ABCC12: variants seen among roughly 807,000 people sequenced by gnomAD.
ABCC12 encodes the protein ATP binding cassette subfamily C member 12, also known as ATP-binding cassette sub-family C member 12.
A neutral mutation model predicts 151.1 loss-of-function variants in ABCC12; 142 were observed. The observed-to-expected ratio is 0.94, with a 90% CI of 0.82 to 1.08. The LOEUF is 1.08. Ranked by LOEUF, ABCC12 falls within the 50% of genes least tolerant of loss-of-function variation. ABCC12 has a pLI of 0.00. For synonymous variants in ABCC12, 645 were observed against 646.4 expected (o/e 1.00, Z 0.03); for missense variants, 1,638 against 1,691.1 (o/e 0.97, Z 0.55).
chr16:48,141,471 T>TGGAAG, intron 4 of ABCC12, 118 bp from the exon 5 acceptor site: 1 of 1,355,450 alleles, frequency 7.4e-7, no homozygotes, highest in Non-Finnish European at 1.0e-6. Flanking sequence ...CTGGCAGTGG[T>TGGAAG]GCCTTCCAGC....
In ABCC12 at chr16:48,083,244, T is replaced by C. The variant is rs552604483; in HGVS notation, c.*471A>G. On this transcript the variant is annotated 3_prime_UTR_variant, in exon 31 of 31. Transcript: ENST00000311303. The stretch of plus-strand genomic sequence containing the variant: ...TACAAATCTGTGTCATTACCACTTG[T>C]CACCCAGTCAAGATGGAAGTGAGTG... The C allele has an allele frequency of 6.3e-6, 1 of 159,212 alleles. No homozygotes were observed. The highest frequency in any genetic ancestry group is 1.9e-4 in the East Asian group (1 of 5,250). 9.9% of individuals were successfully genotyped at this position (159,212 alleles called of 1,614,324 possible).
chr16:48,115,656 C>T, intron 14 of ABCC12, 38 bp from the exon 15 acceptor site: 1 of 1,578,470 alleles, frequency 6.3e-7, no homozygotes. Context: ...ATTGTCAGCC[C>T]ACCCTGAAGT....
Position 48,104,247 on chromosome 16 carries a change from T to C in ABCC12, c.2795A>G (p.Gln932Arg), listed in dbSNP as rs779499111. Reference sequence around the variant, plus strand: ...AATAAACACCACCATAAAAAACTGCTGCAGAAAGTTCTCTGCGTGAAACGG... The same window carrying C: ...AATAAACACCACCATAAAAAACTGCCGCAGAAAGTTCTCTGCGTGAAACGG... ...RLPFHAENFLQQFFMVVFILV... is the reference protein window; with the variant it reads ...RLPFHAENFLRQFFMVVFILV... Residue 932 changes from glutamine to arginine, a missense_variant, in exon 22 of 31, where the codon CAG becomes CGG. Physicochemically the swap from Gln to Arg is conservative, Grantham distance 43 (BLOSUM62 1). Coordinates refer to ENST00000311303, the MANE Select transcript of ABCC12 (RefSeq NM_001393797.1). The C allele has an allele frequency of 1.2e-6, 2 of 1,614,252 alleles. No individual in the cohort carries two copies. Among genetic ancestry groups the C allele is most frequent in the Non-Finnish European group, 1.7e-6 (2 of 1,180,038 alleles).
chr16:48,135,125 T>C (rs1964564840), intron 8 of ABCC12, among the ~76,000 whole-genome samples: 2 of 152,194 alleles, frequency 1.3e-5, no homozygotes, highest in Non-Finnish European at 2.9e-5. Flanking sequence ...AGTTACGATT[T>C]TGCCTGTAAC....
chr16:48,105,335 A>G lies in ABCC12; in HGVS notation c.2477T>C (p.Met826Thr), dbSNP rs749684635. Reference sequence around the variant, plus strand: ...CCTGTTGCCCTGGGGCCCACAGGTCATCTTTGGAGAAAAACAAGAGAAGCA... The same window carrying G: ...CCTGTTGCCCTGGGGCCCACAGGTCGTCTTTGGAGAAAAACAAGAGAAGCA... ...LGLWLDKGSR[M>T]TCGPQGNRTM... is the part of the protein sequence containing the mutation. The change falls in exon 21 of 31, where the codon ATG becomes ACG. Residue 826 changes from methionine to threonine, a missense_variant and splice_region_variant. Coordinates refer to ENST00000311303, the MANE Select transcript of ABCC12 (RefSeq NM_001393797.1). 3 of 1,604,950 alleles carry G rather than the reference A, an allele frequency of 1.9e-6. No homozygotes were observed. Among genetic ancestry groups the G allele is most frequent in the Non-Finnish European group, 2.6e-6 (3 of 1,176,116 alleles).
chr16:48,131,110 C>A (rs1022762561), intron 9 of ABCC12, among the ~76,000 whole-genome samples: 1 of 152,164 alleles, frequency 6.6e-6, no homozygotes, highest in Admixed American at 6.5e-5. Flanking sequence ...GGATTTTCAC[C>A]AAAATGGTGG....
chr16:48,150,181 C>T (rs1355758497), intron 2 of ABCC12, among the ~76,000 whole-genome samples: 1 of 152,156 alleles, frequency 6.6e-6, no homozygotes, highest in African/African-American at 2.4e-5. Flanking sequence ...AATTTCCTCC[C>T]TGCCCCTGCT....
rs1276549327 is a variant in ABCC12 at position 48,100,991 on chromosome 16, G to A, written c.2919C>T (p.Val973=). ...FILLRIFHRG[V]QELKKVENVS... ...CATTCTCCACCTTCTTGAGCTCCTG[G>A]ACTCCTCTGTGGAAAATGCTGGAAG... is the stretch of plus-strand genomic sequence containing the variant. The change falls in exon 23 of 31, where the codon GTC becomes GTT. Residue 973 remains valine, a synonymous_variant. Coordinates refer to ENST00000311303, the MANE Select transcript of ABCC12 (RefSeq NM_001393797.1). The A allele has an allele frequency of 6.2e-7, 1 of 1,614,168 alleles. No homozygotes were observed. Among genetic ancestry groups the A allele is most frequent in the Admixed American group, 1.7e-5 (1 of 60,024 alleles).
intron 27 of ABCC12, 22 bp from the exon 28 acceptor site, chr16:48,086,841 G>C: frequency 6.3e-7 from 1 of 1,593,026 alleles, no homozygotes; most frequent in African/African-American, 1.3e-5. Context: ...GAGAGGAGAG[G>C]ACAGGGAGCC....
At chr16:48,146,934 C>A (rs991430645) in intron 2 of ABCC12, among the ~76,000 whole-genome samples, 7 of 151,892 alleles carry the variant, frequency 4.6e-5, no homozygotes, top group African/African-American at 1.7e-4. Flanking sequence ...CAAACATGCA[C>A]ACACACCGCC....
chr16:48,096,369 A>G (rs1227502394), intron 24 of ABCC12, among the ~76,000 whole-genome samples: 1 of 152,224 alleles, frequency 6.6e-6, no homozygotes, highest in African/African-American at 2.4e-5. Flanking sequence ...CAATAATAGT[A>G]ATGCTCCAGG....
intron 27 of ABCC12, 115 bp downstream of exon 27, chr16:48,087,811 T>C: frequency 8.6e-7 from 1 of 1,165,268 alleles, no homozygotes; most frequent in Non-Finnish European, 1.2e-6. Flanking sequence ...GGGATACTGC[T>C]TCCCTCAGAC....
intron 25 of ABCC12, among the ~76,000 whole-genome samples, chr16:48,089,136 C>T (rs1362832303): frequency 6.6e-6 from 1 of 152,126 alleles, no homozygotes; most frequent in Non-Finnish European, 1.5e-5. Context: ...CACAAAGGCC[C>T]TGGGGCCAGA....
In ABCC12 at chr16:48,083,686, T is replaced by A. The variant is rs1962447751; in HGVS notation, c.*29A>T. ...CTCCTATTCATCTCACAGAGCCTCT[T>A]CCTCCTCTAGAATCAGCCGCCAGGA... is the stretch of plus-strand genomic sequence containing the variant. On this transcript the variant is annotated 3_prime_UTR_variant, in exon 31 of 31. Coordinates refer to ENST00000311303, the MANE Select transcript of ABCC12 (RefSeq NM_001393797.1). 1.2e-6 allele frequency: 2 copies of A among 1,610,344 alleles called. No individual in the cohort carries two copies. The highest frequency in any genetic ancestry group is 1.7e-6 in the Non-Finnish European group (2 of 1,177,094).
At chr16:48,149,461 G>T (rs1214236707) in intron 2 of ABCC12, among the ~76,000 whole-genome samples, 1 of 152,076 alleles carries the variant, frequency 6.6e-6, no homozygotes, top group Admixed American at 6.5e-5. Flanking sequence ...CCTATGACAA[G>T]TTTATTTTAA....
chr16:48,130,615 C>G (rs989506590), intron 10 of ABCC12, among the ~76,000 whole-genome samples, 173 bp downstream of exon 10: 2 of 152,190 alleles, frequency 1.3e-5, no homozygotes, highest in Non-Finnish European at 2.9e-5. Flanking sequence ...ACTCTGCCTG[C>G]TCTGTCCTTC....
intron 15 of ABCC12, among the ~76,000 whole-genome samples, 173 bp downstream of exon 15, chr16:48,115,242 C>A (rs958342835): frequency 6.6e-6 from 1 of 152,114 alleles, no homozygotes; most frequent in African/African-American, 2.4e-5. Flanking sequence ...AAGAGGTGGG[C>A]CTCCTGGGAG....
At chr16:48,132,734 C>A (rs909304500) in intron 9 of ABCC12, among the ~76,000 whole-genome samples, 4 of 152,296 alleles carry the variant, frequency 2.6e-5, no homozygotes, top group East Asian at 3.9e-4. Context: ...ATTTGCCTAG[C>A]CCAGATGAGA....
intron 14 of ABCC12, among the ~76,000 whole-genome samples, chr16:48,116,061 C>T (rs573119550): frequency 3.9e-5 from 6 of 152,218 alleles, no homozygotes; most frequent in Non-Finnish European, 8.8e-5. Context: ...TGTAGAGCAA[C>T]TATCCCATCC....
Sources: gnomAD v4.1 joint callset for allele counts (sites outside exome capture counted in the v4.1 genomes callset) on GRCh38, gnomAD v4.1.1 for gene constraint, MANE v1.5 for transcripts, NCBI Gene and HGNC (gene_info 2026-07-23, HGNC 2026-07-21) for gene names.